KCNK9: variants seen among roughly 807,000 people sequenced by gnomAD.
The protein encoded by KCNK9 is potassium channel subfamily K member 9.
KCNK9 carries 1 observed loss-of-function variant against 10.8 expected under a neutral mutation model. The ratio of observed to expected loss-of-function variants is 0.09; its 90% CI spans 0.03 to 0.44. The LOEUF is 0.44. Among genes scored for constraint, KCNK9 ranks in the 20% least tolerant of loss-of-function variants. The pLI is 0.97. For missense variants in KCNK9, 303 were observed against 515.0 expected (o/e 0.59, Z 3.98); for synonymous variants, 231 against 222.7 (o/e 1.04, Z -0.33).
chr8:139,640,162 G>A lies in KCNK9; in HGVS notation c.284-21063C>T, dbSNP rs374948483. 2.6e-5 allele frequency among the ~76,000 whole-genome samples: 4 copies of A among 152,312 alleles called. 1 individual carries two copies. The highest frequency in any genetic ancestry group is 9.6e-5 in the African/African-American group (4 of 41,580). ...TCTCCATCCCCAGCCAAAATGCCCT[G>A]TCTCTACCCCAGGCACCATGCTAAG... On this transcript the variant is annotated intron_variant, in intron 1 of 1. Transcript: ENST00000520439.
intron 1 of KCNK9, among the ~76,000 whole-genome samples, chr8:139,689,282 C>T (rs1816885148): frequency 6.6e-6 from 1 of 152,226 alleles, no homozygotes; most frequent in Non-Finnish European, 1.5e-5. Context: ...CAAAGGTAGA[C>T]TGTGGACTAT....
intron 1 of KCNK9, among the ~76,000 whole-genome samples, chr8:139,628,856 G>T (rs1337741765): frequency 1.3e-5 from 2 of 152,166 alleles, no homozygotes; most frequent in East Asian, 3.9e-4. Context: ...GGCCTTGAGT[G>T]AGGCCCCCTC....
intron 1 of KCNK9, among the ~76,000 whole-genome samples, chr8:139,663,687 G>GTGTGTGTT (rs1216407876): frequency 6.6e-6 from 1 of 151,212 alleles, no homozygotes; most frequent in Admixed American, 6.6e-5. Flanking sequence ...GTGTGTTAGA[G>GTGTGTGTT]AGAGAGATAG....
chr8:139,689,203 A>T (rs1816883196), intron 1 of KCNK9, among the ~76,000 whole-genome samples: 1 of 152,216 alleles, frequency 6.6e-6, no homozygotes, highest in Non-Finnish European at 1.5e-5. Context: ...TGAGAAAAAA[A>T]GTATTTTCTG....
intron 1 of KCNK9, among the ~76,000 whole-genome samples, chr8:139,644,715 T>TCC (rs10577985): frequency 0.074 from 9,729 of 130,638 alleles, 809 homozygotes; most frequent in Admixed American, 0.13. Context: ...TCCTGCCCTG[T>TCC]CCCCCCCCCC....
In KCNK9 at chr8:139,639,415, G is replaced by A. The variant is rs73724473; in HGVS notation, c.284-20316C>T. ...AAGTGTGCCTGGCACGCTGTCTGGC[G>A]GGGAGTAGTGACCAACACAGGGTAG... On this transcript the variant is annotated intron_variant, in intron 1 of 1. Transcript: ENST00000520439. Among the ~76,000 whole-genome samples the A allele has an allele frequency of 7.8e-3, 1,194 of 152,336 alleles. 12 individuals carry two copies. The highest frequency in any genetic ancestry group is 0.028 in the African/African-American group (1,156 of 41,578).
downstream of KCNK9, among the ~76,000 whole-genome samples, chr8:139,614,995 A>C (rs938146019): frequency 6.6e-6 from 1 of 152,214 alleles, no homozygotes; most frequent in Non-Finnish European, 1.5e-5. Context: ...ACATCCAAGC[A>C]GCCTGCTGTG....
At chr8:139,674,910 C>A (rs998310846) in intron 1 of KCNK9, among the ~76,000 whole-genome samples, 1 of 152,120 alleles carries the variant, frequency 6.6e-6, no homozygotes, top group Admixed American at 6.5e-5. Context: ...CTTCCTCCCC[C>A]CGAAGCCTTC....
intron 1 of KCNK9, among the ~76,000 whole-genome samples, chr8:139,665,362 C>A (rs372330874): frequency 6.6e-6 from 1 of 152,194 alleles, no homozygotes; most frequent in Admixed American, 6.5e-5. Flanking sequence ...TCAGAACTCT[C>A]CTGACTCTAC....
chr8:139,651,629 G>C (rs1240704458), intron 1 of KCNK9, among the ~76,000 whole-genome samples: 1 of 152,188 alleles, frequency 6.6e-6, no homozygotes, highest in Non-Finnish European at 1.5e-5. Flanking sequence ...GGATGGATGG[G>C]AGTCAAGGAT....
At chr8:139,686,374 G>A (rs1381870979) in intron 1 of KCNK9, among the ~76,000 whole-genome samples, 1 of 151,954 alleles carries the variant, frequency 6.6e-6, no homozygotes, top group Non-Finnish European at 1.5e-5. Context: ...TCTGACAAAG[G>A]GCTAATATCC....
intron 1 of KCNK9, among the ~76,000 whole-genome samples, chr8:139,666,224 G>A (rs1367420762): frequency 1.3e-5 from 2 of 152,180 alleles, no homozygotes; most frequent in African/African-American, 2.4e-5. Context: ...GCACTGGCCA[G>A]GTGACAAGAG....
chr8:139,619,352 G>A (rs1387163081), intron 1 of KCNK9, among the ~76,000 whole-genome samples: 2 of 152,138 alleles, frequency 1.3e-5, no homozygotes, highest in Non-Finnish European at 2.9e-5. Flanking sequence ...AGGGAGTTGG[G>A]ATGTGCTGGG....
chr8:139,610,100 C>A (rs151022625), downstream of KCNK9, among the ~76,000 whole-genome samples: 157 of 152,316 alleles, frequency 1.0e-3, 2 homozygotes, highest in African/African-American at 3.5e-3. Context: ...CACCCAGAGG[C>A]CTCATTTCAA....
intron 1 of KCNK9, among the ~76,000 whole-genome samples, chr8:139,691,450 C>T (rs1816932375): frequency 6.6e-6 from 1 of 152,192 alleles, no homozygotes; most frequent in Non-Finnish European, 1.5e-5. Flanking sequence ...CCCACCCCTG[C>T]TTGTACAGTT....
At chr8:139,644,719 C>CG (rs370452578) in intron 1 of KCNK9, among the ~76,000 whole-genome samples, 10 of 150,598 alleles carry the variant, frequency 6.6e-5, no homozygotes, top group African/African-American at 1.5e-4. Flanking sequence ...GCCCTGTCCC[C>CG]CCCCCCCAGA....
At chr8:139,659,616 G>A (rs528837494) in intron 1 of KCNK9, among the ~76,000 whole-genome samples, 162 of 151,418 alleles carry the variant, frequency 1.1e-3, no homozygotes, top group Middle Eastern at 6.9e-3. Flanking sequence ...GGTTCACGCC[G>A]TTCTCTTGCC....
intron 1 of KCNK9, among the ~76,000 whole-genome samples, chr8:139,676,916 C>A (rs1382429986): frequency 6.6e-6 from 1 of 152,210 alleles, no homozygotes; most frequent in Non-Finnish European, 1.5e-5. Context: ...TGTGCCACTA[C>A]ACTCCAGCCT....
At chr8:139,609,863 G>A (rs569747882), downstream of KCNK9, among the ~76,000 whole-genome samples, 3 of 152,274 alleles carry the variant, frequency 2.0e-5, no homozygotes, top group Admixed American at 6.5e-5. Flanking sequence ...CCTGTCCATG[G>A]TGGACACTGG....
Sources: allele counts gnomAD v4.1 joint callset (sites outside exome capture counted in the v4.1 genomes callset), GRCh38; gene constraint gnomAD v4.1.1; transcripts MANE v1.5; gene names NCBI Gene and HGNC (gene_info 2026-07-23, HGNC 2026-07-21).